TAF3: variants seen among roughly 807,000 people sequenced by gnomAD.
The protein encoded by TAF3 is transcription initiation factor TFIID subunit 3.
In TAF3, 7 loss-of-function variants were observed where a neutral mutation model predicts 80.6. The observed-to-expected ratio is 0.09, with a 90% confidence interval of 0.05 to 0.16. TAF3 has a LOEUF of 0.16. Among genes scored for constraint, TAF3 ranks in the 10% least tolerant of loss-of-function variants. The pLI, the probability that TAF3 is intolerant of heterozygous loss-of-function variation, is 1.00. For missense variants in TAF3, 921 were observed against 1,140.2 expected (o/e 0.81, Z 2.77); for synonymous variants, 444 against 446.1 (o/e 1.00, Z 0.06).
chr10:7,889,242 T>A (rs80000200), intron 2 of TAF3, among the ~76,000 whole-genome samples: 1,723 of 152,322 alleles, frequency 0.011, 34 homozygotes, highest in African/African-American at 0.039. Flanking sequence ...TAGGGTTTTG[T>A]CTTTGATTCT....
chr10:7,944,218 G>A (rs1169359665), intron 2 of TAF3, among the ~76,000 whole-genome samples: 5 of 151,500 alleles, frequency 3.3e-5, no homozygotes, highest in African/African-American at 4.9e-5. Flanking sequence ...TACTTACTGC[G>A]TTGGATAAAC....
At chr10:7,961,392 C>T (rs1446883685) in intron 2 of TAF3, among the ~76,000 whole-genome samples, 1 of 152,176 alleles carries the variant, frequency 6.6e-6, no homozygotes, top group East Asian at 1.9e-4. Flanking sequence ...TCTGTGCATC[C>T]TTCATGCTTT....
At chr10:7,898,906 G>A (rs950292695) in intron 2 of TAF3, among the ~76,000 whole-genome samples, 2 of 152,074 alleles carry the variant, frequency 1.3e-5, no homozygotes, top group African/African-American at 4.8e-5. Context: ...CAAAAACCAA[G>A]TGAAAGTTTC....
At chr10:7,975,087 AAAAAAG>A in intron 3 of TAF3, 1 of 305,450 alleles carries the variant, frequency 3.3e-6, no homozygotes, top group South Asian at 2.8e-5. Context: ...AAAAAAAAAA[AAAAAAG>A]AGTGAGATGA....
chr10:7,979,225 T>C (rs2131421184), intron 4 of TAF3, among the ~76,000 whole-genome samples: 1 of 151,760 alleles, frequency 6.6e-6, no homozygotes, highest in East Asian at 1.9e-4. Flanking sequence ...GTGCCTGTAG[T>C]CCCAGCTACT....
chr10:7,975,674 C>T (rs924231388), intron 3 of TAF3, among the ~76,000 whole-genome samples: 3 of 151,996 alleles, frequency 2.0e-5, no homozygotes, highest in African/African-American at 2.4e-5. Context: ...AGGGAGCTGT[C>T]GAAGCAGTAG....
intron 4 of TAF3, among the ~76,000 whole-genome samples, chr10:8,000,102 A>G (rs534486750): frequency 1.3e-5 from 2 of 152,312 alleles, no homozygotes; most frequent in South Asian, 4.1e-4. Context: ...ACATTGTAAC[A>G]GGCATTTTCA....
intron 2 of TAF3, among the ~76,000 whole-genome samples, chr10:7,938,294 A>G (rs1837942235): frequency 6.6e-6 from 1 of 152,164 alleles, no homozygotes; most frequent in Non-Finnish European, 1.5e-5. Flanking sequence ...CATTGGCAGG[A>G]CATGGGCCCC....
chr10:7,929,930 G>A (rs1344814462), intron 2 of TAF3, among the ~76,000 whole-genome samples: 1 of 152,172 alleles, frequency 6.6e-6, no homozygotes, highest in Non-Finnish European at 1.5e-5. Context: ...GGCCAGGCGT[G>A]GTGGCTCACA....
chr10:7,890,852 T>A lies in TAF3; in HGVS notation c.409+66292T>A, dbSNP rs187204737. Among the ~76,000 whole-genome samples, 25 of 152,380 alleles carry A rather than the reference T, an allele frequency of 1.6e-4. No homozygotes were observed. The East Asian group carries it at 4.6e-3, about 28-fold the overall frequency. ...CTCTTTCCAAAGCTTTCGATTTAGG[T>A]TTCCTTAGAAATAAGTCTCTTTTTA... On this transcript the variant is annotated intron_variant, in intron 2 of 6. Transcript: ENST00000344293.
chr10:8,014,778 G>A lies in TAF3; in HGVS notation c.*27G>A. ...GACTCCCGAGGGGCTGGACCAAGCG[G>A]GGTCAGCCCGGGCTTCTTCCCTGGC... On this transcript the variant is annotated 3_prime_UTR_variant, in exon 7 of 7. Coordinates refer to ENST00000344293, the MANE Select transcript of TAF3 (RefSeq NM_031923.4). 1 of 1,551,592 alleles carries A rather than the reference G, an allele frequency of 6.4e-7. No homozygotes were observed. The highest frequency in any genetic ancestry group is 1.2e-5 in the South Asian group (1 of 83,966).
At chr10:7,821,528 A>G (rs955059470) in intron 1 of TAF3, among the ~76,000 whole-genome samples, 2 of 152,250 alleles carry the variant, frequency 1.3e-5, no homozygotes, top group African/African-American at 4.8e-5. Flanking sequence ...TCTAAAAGAA[A>G]TGTTCTCAAG....
At chr10:7,885,190 C>T (rs1265259729) in intron 2 of TAF3, among the ~76,000 whole-genome samples, 1 of 150,898 alleles carries the variant, frequency 6.6e-6, no homozygotes, top group South Asian at 2.1e-4. Flanking sequence ...AATAATCAAG[C>T]CACTGAATTG....
chr10:7,863,646 T>TATATACAC lies in TAF3; in HGVS notation c.409+39087_409+39088insTATACACA, dbSNP rs1196114441. Reference sequence around the variant, plus strand: ...AAAAAAATATATATATATATATATATACACACACACATATATATATACACA... The same window carrying TATATACAC: ...AAAAAAATATATATATATATATATATATATACACACACACACACATATATATATACACA... On this transcript the variant is annotated intron_variant, in intron 2 of 6. Coordinates refer to ENST00000344293, the MANE Select transcript of TAF3 (RefSeq NM_031923.4). Among the ~76,000 whole-genome samples, 65 of 76,810 alleles carry TATATACAC rather than the reference T, an allele frequency of 8.5e-4. 7 individuals are homozygous for TATATACAC. In the East Asian group the frequency reaches 0.029, roughly 34 times the overall value. The allele number at this position is 76,810 out of a possible 152,430, so 50.4% of individuals were successfully genotyped here.
chr10:7,819,743 C>G (rs941577476), intron 1 of TAF3, among the ~76,000 whole-genome samples: 1 of 152,132 alleles, frequency 6.6e-6, no homozygotes, highest in African/African-American at 2.4e-5. Context: ...AGTTTCAAGT[C>G]ATGATGTTTA....
At chr10:7,925,869 A>G (rs1220453927) in intron 2 of TAF3, among the ~76,000 whole-genome samples, 1 of 151,880 alleles carries the variant, frequency 6.6e-6, no homozygotes, top group Non-Finnish European at 1.5e-5. Context: ...TTACAATTTC[A>G]ATACCTTGAT....
chr10:7,964,692 G>C lies in TAF3; in HGVS notation c.1182G>C (p.Val394=). The change falls in exon 3 of 7, where the codon GTG becomes GTC. Residue 394 remains valine (V), a synonymous_variant. Coordinates refer to ENST00000344293, the MANE Select transcript of TAF3 (RefSeq NM_031923.4). The surrounding 1 kb of genome is among the most constrained non-coding windows in gnomAD (Gnocchi z 4.1). ...CGATTGAGGCCTCTATCGATGCTGT[G>C]ATTGCACGAGCCTGTGCTGAGCGAG... is the stretch of plus-strand genomic sequence containing the variant. ...DKTIEASIDA[V]IARACAEREP... is the part of the protein sequence containing the mutation. 1 of 1,614,216 alleles carries C rather than the reference G, an allele frequency of 6.2e-7. No homozygotes were observed. The highest frequency in any genetic ancestry group is 8.5e-7 in the Non-Finnish European group (1 of 1,180,040).
At chr10:7,969,134 T>C (rs1183104438) in intron 3 of TAF3, among the ~76,000 whole-genome samples, 1 of 131,716 alleles carries the variant, frequency 7.6e-6, no homozygotes, top group Non-Finnish European at 1.7e-5. Flanking sequence ...TGAGACTGTC[T>C]CTCCAAAACA....
chr10:7,888,205 T>G (rs1290916303), intron 2 of TAF3, among the ~76,000 whole-genome samples: 1 of 152,144 alleles, frequency 6.6e-6, no homozygotes, highest in Non-Finnish European at 1.5e-5. Flanking sequence ...ACCCCTTCCT[T>G]GTTTTACAAC....
Sources: allele counts gnomAD v4.1 joint callset (sites outside exome capture counted in the v4.1 genomes callset), GRCh38; gene constraint gnomAD v4.1.1; non-coding constraint Gnocchi (gnomAD v3.1); transcripts MANE v1.5; gene names NCBI Gene and HGNC (gene_info 2026-07-23, HGNC 2026-07-21).